DERA: variants seen among roughly 807,000 people sequenced by gnomAD.
The protein encoded by DERA is 2-deoxy-D-ribose 5-phosphate aldolase.
Under a neutral mutation model 41.1 loss-of-function variants are expected in DERA, and 15 were observed. The ratio of observed to expected loss-of-function variants is 0.37; its 90% CI spans 0.24 to 0.56. The LOEUF (loss-of-function observed/expected upper bound fraction) is 0.56, where lower values mean the gene tolerates loss of function less well. DERA is among the 20% of genes least tolerant of loss of function. DERA has a pLI of 0.81. For missense variants in DERA, 396 were observed against 403.4 expected (o/e 0.98, Z 0.16); for synonymous variants, 139 against 137.4 (o/e 1.01, Z -0.08).
At position 16,026,263 on chromosome 12, in the gene DERA, T is replaced by TC. The variant is rs1156259224; in HGVS notation, c.638-6273dup. 6.7e-5 allele frequency among the ~76,000 whole-genome samples: 10 copies of TC among 150,096 alleles called. No individual in the cohort carries two copies. In the East Asian group the frequency reaches 1.4e-3, roughly 20 times the overall value. ...ATCCTAAAAGCTACTTTTTTTTTTCTCCCCCCGTAAGATTGGTAAACAGCT... is the reference window on the plus strand; with the variant it reads ...ATCCTAAAAGCTACTTTTTTTTTTCTCCCCCCCGTAAGATTGGTAAACAGCT... On this transcript the variant is annotated intron_variant, in intron 6 of 8. Coordinates refer to ENST00000428559, the MANE Select transcript of DERA (RefSeq NM_015954.4). This position sits in a 1 kb window ranked among gnomAD's most constrained non-coding sequence, Gnocchi z 4.4.
At position 15,982,212 on chromosome 12, in the gene DERA, C is replaced by A; in HGVS notation, c.509-96C>A. On this transcript the variant is annotated intron_variant, in intron 5 of 8. Coordinates refer to ENST00000428559, the MANE Select transcript of DERA (RefSeq NM_015954.4). This position sits in a 1 kb window ranked among gnomAD's most constrained non-coding sequence, Gnocchi z 4.0. ...AGAAAGTGACAAATGTTTTATGTTT[C>A]CTAAATGTGAAATGGGTTCCACCAG... is the stretch of plus-strand genomic sequence containing the variant. 1 of 1,230,970 alleles carries A rather than the reference C, an allele frequency of 8.1e-7. No homozygotes were observed. The highest frequency in any genetic ancestry group is 1.1e-6 in the Non-Finnish European group (1 of 892,156). The allele number at this position is 1,230,970 out of a possible 1,614,324, so 76.3% of individuals were successfully genotyped here.
chr12:15,931,407 T>A lies in DERA; in HGVS notation c.31+19993T>A, dbSNP rs1323262762. ...TAAATCTTTTCAAAGCACTGAGAGT[T>A]GACTCTTTACCCAACAGGGGGCCAA... On this transcript the variant is annotated intron_variant, in intron 1 of 8. Transcript: ENST00000428559. The surrounding 1 kb of genome is among the most constrained non-coding windows in gnomAD (Gnocchi z 4.6). Among the ~76,000 whole-genome samples the A allele has an allele frequency of 6.6e-6, 1 of 152,228 alleles. No homozygotes were observed. The highest frequency in any genetic ancestry group is 1.5e-5 in the Non-Finnish European group (1 of 68,044).
At chr12:15,932,164 C>T (rs1416750829) in intron 1 of DERA, among the ~76,000 whole-genome samples, 2 of 152,150 alleles carry the variant, frequency 1.3e-5, no homozygotes, top group African/African-American at 4.8e-5. Flanking sequence ...AAACTTTTGT[C>T]TGTTACCAAA....
chr12:15,982,479 G>T lies in DERA; in HGVS notation c.637+43G>T. The T allele has an allele frequency of 6.5e-7, 1 of 1,535,512 alleles. No homozygotes were observed. The highest frequency in any genetic ancestry group is 8.8e-7 in the Non-Finnish European group (1 of 1,142,626). On this transcript the variant is annotated intron_variant, in intron 6 of 8. Transcript: ENST00000428559. This position sits in a 1 kb window ranked among gnomAD's most constrained non-coding sequence, Gnocchi z 4.0. ...AAATAATGTTTTCTATTGAATTGAT[G>T]TTTTTAGGAGAAATTAAGTAAGTGA...
In DERA at chr12:15,940,629, G is replaced by A. The variant is rs151073299; in HGVS notation, c.32-16307G>A. 2.4e-3 allele frequency among the ~76,000 whole-genome samples: 360 copies of A among 152,262 alleles called. 2 individuals are homozygous for A. Among genetic ancestry groups the A allele is most frequent in the Non-Finnish European group, 3.3e-3 (225 of 68,022 alleles). On this transcript the variant is annotated intron_variant, in intron 1 of 8. Coordinates refer to ENST00000428559, the MANE Select transcript of DERA (RefSeq NM_015954.4). The surrounding 1 kb of genome is among the most constrained non-coding windows in gnomAD (Gnocchi z 5.1). ...ACCTCCCAAAATGCTGGGATTACAG[G>A]CGTGAGCCACCGCATCCGGCCTGCT...
At chr12:15,962,654 G>C (rs1948595584) in intron 4 of DERA, 159 bp from the exon 5 acceptor site, 1 of 550,222 alleles carries the variant, frequency 1.8e-6, no homozygotes, top group African/African-American at 1.9e-5. Flanking sequence ...ATGTTCTTAA[G>C]TGTCAGTGCA....
rs1046430067 is a variant in DERA, at chr12:15,928,813, G to A, written c.31+17399G>A. Among the ~76,000 whole-genome samples, 6 of 152,200 alleles carry A rather than the reference G, an allele frequency of 3.9e-5. No homozygotes were observed. The highest frequency in any genetic ancestry group is 1.4e-4 in the African/African-American group (6 of 41,458). On this transcript the variant is annotated intron_variant, in intron 1 of 8. Transcript: ENST00000428559. This position sits in a 1 kb window ranked among gnomAD's most constrained non-coding sequence, Gnocchi z 4.6. ...ACCCTTTATATGTGCAGTTTAAAAT[G>A]TTTAACCAAAGGGAATATTTGGTTG...
Position 15,936,805 on chromosome 12 carries a change from T to A in DERA, c.32-20131T>A, listed in dbSNP as rs1179646262. On this transcript the variant is annotated intron_variant, in intron 1 of 8. Transcript: ENST00000428559. The surrounding 1 kb of genome is among the most constrained non-coding windows in gnomAD (Gnocchi z 4.6). ...TCACCACCCGGATTTGTCTGATTATTTTCTAGTGATGTCATTTAACTTATT... is the reference window on the plus strand; with the variant it reads ...TCACCACCCGGATTTGTCTGATTATATTCTAGTGATGTCATTTAACTTATT... Among the ~76,000 whole-genome samples the A allele has an allele frequency of 6.6e-6, 1 of 152,090 alleles. No individual in the cohort carries two copies. Among genetic ancestry groups the A allele is most frequent in the African/African-American group, 2.4e-5 (1 of 41,408 alleles).
rs11056749 is a variant in DERA, at chr12:15,991,786, G to A, written c.637+9350G>A. 7.4e-3 allele frequency among the ~76,000 whole-genome samples: 1,124 copies of A among 152,196 alleles called. 4 individuals are homozygous for A. The highest frequency in any genetic ancestry group is 0.014 in the Middle Eastern group (4 of 294). ...CTTACATGATACAATTAGAATATTA[G>A]TCAGAAAGATCTTTTTGCTTTTGTT... On this transcript the variant is annotated intron_variant, in intron 6 of 8. Transcript: ENST00000428559.
Position 15,984,453 on chromosome 12 carries a change from A to G in DERA, c.637+2017A>G, listed in dbSNP as rs1405654991. Among the ~76,000 whole-genome samples the G allele has an allele frequency of 6.6e-6, 1 of 152,088 alleles. No individual in the cohort carries two copies. The highest frequency in any genetic ancestry group is 1.5e-5 in the Non-Finnish European group (1 of 68,036). On this transcript the variant is annotated intron_variant, in intron 6 of 8. Coordinates refer to ENST00000428559, the MANE Select transcript of DERA (RefSeq NM_015954.4). This position sits in a 1 kb window ranked among gnomAD's most constrained non-coding sequence, Gnocchi z 4.5. ...ATCCACTTCATTTCTTCATTTAAGC[A>G]GTGTTTGTTGAGCACTTAGTATGAG...
rs1948834814 is a variant in DERA at position 15,996,033 on chromosome 12, C to T, written c.637+13597C>T. On this transcript the variant is annotated intron_variant, in intron 6 of 8. Transcript: ENST00000428559. The surrounding 1 kb of genome is among the most constrained non-coding windows in gnomAD (Gnocchi z 4.7). ...ACGTTCGAGGCACAGGCTGAGTGAG[C>T]CTGATGGAGCTACACTAAGACAGAC... Among the ~76,000 whole-genome samples, 1 of 152,036 alleles carries T rather than the reference C, an allele frequency of 6.6e-6. No individual in the cohort carries two copies. The highest frequency in any genetic ancestry group is 2.1e-4 in the South Asian group (1 of 4,812).
intron 5 of DERA, among the ~76,000 whole-genome samples, chr12:15,969,104 A>T (rs905920654): frequency 6.6e-6 from 1 of 152,196 alleles, no homozygotes; most frequent in African/African-American, 2.4e-5. Context: ...GTAATACAGT[A>T]TTTCTTAATG....
chr12:16,036,108 G>A lies in DERA; in HGVS notation c.751-124G>A, dbSNP rs1949125984. 2 of 946,106 alleles carry A rather than the reference G, an allele frequency of 2.1e-6. No homozygotes were observed. The highest frequency in any genetic ancestry group is 3.4e-5 in the African/African-American group (2 of 58,030). 58.6% of individuals were successfully genotyped at this position (946,106 alleles called of 1,614,324 possible). ...GATCTAAGCCCTTTCACTGGATGAA[G>A]TGAAAAGATTTTTTTTCAACAAAAG... is the stretch of plus-strand genomic sequence containing the variant. On this transcript the variant is annotated intron_variant, in intron 7 of 8. Transcript: ENST00000428559. The surrounding 1 kb of genome is among the most constrained non-coding windows in gnomAD (Gnocchi z 4.9).
At chr12:15,968,016 T>A (rs1282769484) in intron 5 of DERA, among the ~76,000 whole-genome samples, 1 of 152,072 alleles carries the variant, frequency 6.6e-6, no homozygotes, top group African/African-American at 2.4e-5. Flanking sequence ...TCCAGGTGAT[T>A]TTGTTCTCCT....
At chr12:15,946,622 CTTT>C (rs890744510) in intron 1 of DERA, among the ~76,000 whole-genome samples, 20 of 151,126 alleles carry the variant, frequency 1.3e-4, no homozygotes, top group African/African-American at 4.6e-4. Context: ...CTGTTTTCTT[CTTT>C]ATTAGTCTTG....
At chr12:16,024,475 C>T (rs997976657) in intron 6 of DERA, among the ~76,000 whole-genome samples, 8 of 152,176 alleles carry the variant, frequency 5.3e-5, no homozygotes, top group Non-Finnish European at 1.0e-4. Flanking sequence ...AACATGTCAG[C>T]GTGGAGTGAA....
At chr12:15,974,625 T>C (rs1009528856) in intron 5 of DERA, among the ~76,000 whole-genome samples, 7 of 152,218 alleles carry the variant, frequency 4.6e-5, no homozygotes, top group African/African-American at 1.7e-4. Flanking sequence ...GTTTCTCCAT[T>C]GTAAAATTAA....
rs145891923 is a variant in DERA at position 15,957,153 on chromosome 12, A to C, written c.129+120A>C. 94 of 731,752 alleles carry C rather than the reference A, an allele frequency of 1.3e-4. No individual in the cohort carries two copies. The East Asian group carries it at 1.9e-3, about 15-fold the overall frequency. The allele number at this position is 731,752 out of a possible 1,614,324, so 45.3% of individuals were successfully genotyped here. ...TAAACTTAAAAGATTGCAGCTGTCCATGACTTATTTTAATAATTCATATAT... is the reference window on the plus strand; with the variant it reads ...TAAACTTAAAAGATTGCAGCTGTCCCTGACTTATTTTAATAATTCATATAT... On this transcript the variant is annotated intron_variant, in intron 2 of 8. Coordinates refer to ENST00000428559, the MANE Select transcript of DERA (RefSeq NM_015954.4). The surrounding 1 kb of genome is among the most constrained non-coding windows in gnomAD (Gnocchi z 4.8).
chr12:15,959,733 G>T lies in DERA; in HGVS notation c.278-96G>T. The T allele has an allele frequency of 4.0e-6, 3 of 742,772 alleles. No individual in the cohort carries two copies. The highest frequency in any genetic ancestry group is 5.5e-5 in the Admixed American group (2 of 36,152). The allele number at this position is 742,772 out of a possible 1,614,324, so 46.0% of individuals were successfully genotyped here. A position where few individuals can be genotyped will look rare whatever the true frequency, so the allele number is the denominator to read the frequency against. On this transcript the variant is annotated intron_variant, in intron 3 of 8. Coordinates refer to ENST00000428559, the MANE Select transcript of DERA (RefSeq NM_015954.4). This position sits in a 1 kb window ranked among gnomAD's most constrained non-coding sequence, Gnocchi z 4.5. ...TGGGGGAATTATTTTTTTCTCATTT[G>T]ATTTTTGCCAGTGTTGCGATATAAA... is the stretch of plus-strand genomic sequence containing the variant.
Sources: gnomAD v4.1 joint callset for allele counts (sites outside exome capture counted in the v4.1 genomes callset) on GRCh38, gnomAD v4.1.1 for gene constraint, Gnocchi (gnomAD v3.1) non-coding constraint, MANE v1.5 for transcripts, NCBI Gene and HGNC (gene_info 2026-07-23, HGNC 2026-07-21) for gene names.